Variants in IQGAP1 observed in about 807,000 individuals in gnomAD.
IQGAP1 encodes the protein IQ motif containing GTPase activating protein 1.
A neutral mutation model predicts 215.6 loss-of-function variants in IQGAP1; 66 were observed. That is an observed-to-expected ratio of 0.31 (90% confidence interval 0.25 to 0.38). The LOEUF is 0.38. Among genes scored for constraint, IQGAP1 ranks in the 10% least tolerant of loss-of-function variants. IQGAP1 has a pLI of 1.00. For synonymous variants in IQGAP1, 772 were observed against 728.7 expected (o/e 1.06, Z -0.96); for missense variants, 1,712 against 1,997.1 (o/e 0.86, Z 2.72).
At chr15:90,449,283 T>G (rs907511488) in intron 10 of IQGAP1, among the ~76,000 whole-genome samples, 3 of 152,228 alleles carry the variant, frequency 2.0e-5, no homozygotes, top group South Asian at 2.1e-4. Context: ...ATTAACGTGC[T>G]TAAGATTCTA....
intron 37 of IQGAP1, among the ~76,000 whole-genome samples, chr15:90,499,493 T>C (rs1966314778): frequency 6.6e-6 from 1 of 152,236 alleles, no homozygotes; most frequent in Non-Finnish European, 1.5e-5. Context: ...TCATATGGAA[T>C]AGAAATTAAG....
chr15:90,454,650 G>T (rs1329608182), intron 14 of IQGAP1, 98 bp downstream of exon 14: 2 of 1,321,372 alleles, frequency 1.5e-6, no homozygotes, highest in Admixed American at 5.3e-5. Context: ...GGATTTTTGG[G>T]TGAGAGATTG....
At chr15:90,446,962 G>C (rs981788642) in intron 9 of IQGAP1, among the ~76,000 whole-genome samples, 15 of 151,964 alleles carry the variant, frequency 9.9e-5, no homozygotes, top group African/African-American at 3.6e-4. Flanking sequence ...TCTAGAAAAA[G>C]CAAAATTTAC....
chr15:90,423,721 A>G (rs906937387), intron 2 of IQGAP1, among the ~76,000 whole-genome samples: 7 of 152,236 alleles, frequency 4.6e-5, no homozygotes, highest in Admixed American at 3.9e-4. Flanking sequence ...AACTTTCACC[A>G]AATCACAGTT....
At chr15:90,400,332 A>G (rs1307924918) in intron 2 of IQGAP1, among the ~76,000 whole-genome samples, 1 of 151,994 alleles carries the variant, frequency 6.6e-6, no homozygotes, top group Non-Finnish European at 1.5e-5. Flanking sequence ...TACAGTCTTG[A>G]TATTTTTTCC....
intron 2 of IQGAP1, among the ~76,000 whole-genome samples, chr15:90,410,346 A>G (rs1373154243): frequency 6.6e-6 from 1 of 152,240 alleles, no homozygotes; most frequent in Non-Finnish European, 1.5e-5. Flanking sequence ...GTATGTACCC[A>G]AAGGATTATA....
intron 14 of IQGAP1, among the ~76,000 whole-genome samples, chr15:90,455,453 G>A (rs887922490): frequency 3.3e-5 from 5 of 152,080 alleles, no homozygotes; most frequent in Admixed American, 2.6e-4. Flanking sequence ...ATGAATCACA[G>A]AAACATACCT....
chr15:90,414,106 G>T (rs774287537), intron 2 of IQGAP1, among the ~76,000 whole-genome samples: 4 of 151,990 alleles, frequency 2.6e-5, no homozygotes, highest in Non-Finnish European at 4.4e-5. Context: ...CACCATCTCA[G>T]ACTAACTCCT....
rs1965479964 is a variant in IQGAP1, at chr15:90,443,388, C to T, written c.829-6C>T. ...TAACTTAATTACGCTTTTTACTCAT[C>T]CTCAGACAGAAAACTCAGAGAGAGA... On this transcript the variant is annotated splice_region_variant and splice_polypyrimidine_tract_variant and intron_variant, in intron 8 of 37. Transcript: ENST00000268182. 1.2e-6 allele frequency: 2 copies of T among 1,604,536 alleles called. No individual in the cohort carries two copies. The highest frequency in any genetic ancestry group is 8.5e-7 in the Non-Finnish European group (1 of 1,171,652).
At chr15:90,415,742 A>G (rs1183228318) in intron 2 of IQGAP1, among the ~76,000 whole-genome samples, 1 of 151,972 alleles carries the variant, frequency 6.6e-6, no homozygotes, top group Admixed American at 6.6e-5. Context: ...TCTTTCCACC[A>G]TTGTCCCAGT....
intron 34 of IQGAP1, among the ~76,000 whole-genome samples, chr15:90,491,937 G>T (rs1966211079): frequency 6.6e-6 from 1 of 152,176 alleles, no homozygotes; most frequent in Non-Finnish European, 1.5e-5. Context: ...CTGTGCTGTT[G>T]CACTAAGATA....
At chr15:90,419,560 C>T (rs1965104204) in intron 2 of IQGAP1, among the ~76,000 whole-genome samples, 1 of 152,012 alleles carries the variant, frequency 6.6e-6, no homozygotes, top group Non-Finnish European at 1.5e-5. Flanking sequence ...AGATTAAGAA[C>T]CCTGTTGTCT....
intron 26 of IQGAP1, among the ~76,000 whole-genome samples, chr15:90,481,727 A>T (rs1190895227): frequency 6.6e-6 from 1 of 152,212 alleles, no homozygotes; most frequent in Admixed American, 6.5e-5. Context: ...CATGTCTTGT[A>T]TAACTTTTAT....
chr15:90,470,245 C>T (rs534061644), intron 18 of IQGAP1, among the ~76,000 whole-genome samples: 1 of 152,232 alleles, frequency 6.6e-6, no homozygotes, highest in South Asian at 2.1e-4. Flanking sequence ...CTGATTCCTT[C>T]TTCATTTTCT....
At chr15:90,458,795 C>T (rs1007899993) in intron 15 of IQGAP1, among the ~76,000 whole-genome samples, 1 of 152,110 alleles carries the variant, frequency 6.6e-6, no homozygotes, top group Non-Finnish European at 1.5e-5. Context: ...TGTGATTCAA[C>T]CCTCTCCACA....
chr15:90,483,232 T>A, intron 28 of IQGAP1, 129 bp from the exon 29 acceptor site: 1 of 647,230 alleles, frequency 1.5e-6, no homozygotes. Context: ...CATGCGTGTG[T>A]ATATGTATTT....
intron 1 of IQGAP1, among the ~76,000 whole-genome samples, chr15:90,389,405 G>T (rs996541993): frequency 6.7e-6 from 1 of 149,704 alleles, no homozygotes; most frequent in Non-Finnish European, 1.5e-5. Flanking sequence ...GAGTTCAGTG[G>T]TGCAATCTCA....
intron 1 of IQGAP1, among the ~76,000 whole-genome samples, chr15:90,389,652 T>C (rs141358900): frequency 0.031 from 4,759 of 151,986 alleles, 115 homozygotes; most frequent in Non-Finnish European, 0.049. Context: ...TGAAGAATGC[T>C]GTGTAGAAAG....
chr15:90,473,850 G>C (rs765293495), intron 20 of IQGAP1, 46 bp from the exon 21 acceptor site: 16 of 1,610,784 alleles, frequency 9.9e-6, no homozygotes, highest in Non-Finnish European at 1.3e-5. Context: ...TATAACACGT[G>C]TTGAGATGAA....
Sources: gnomAD v4.1 joint callset for allele counts (sites outside exome capture counted in the v4.1 genomes callset) on GRCh38, gnomAD v4.1.1 for gene constraint, MANE v1.5 for transcripts, NCBI Gene and HGNC (gene_info 2026-07-23, HGNC 2026-07-21) for gene names.